Variants in MYT1 observed in about 807,000 individuals in gnomAD.
The protein encoded by MYT1 is myelin transcription factor 1.
MYT1 carries 23 observed loss-of-function variants against 123.0 expected under a neutral mutation model. That is an observed-to-expected ratio of 0.19 (90% CI 0.13 to 0.26). MYT1 has a LOEUF of 0.26. Ranked by LOEUF, MYT1 falls within the 10% of genes least tolerant of loss-of-function variation. MYT1 has a pLI of 1.00. For synonymous variants in MYT1, 518 were observed against 575.3 expected (o/e 0.90, Z 1.43); for missense variants, 1,125 against 1,472.5 (o/e 0.76, Z 3.86).
rs376298151 is a variant in MYT1, at chr20:64,232,408, C to A, written c.2897+23C>A. ...GAGGTAACTGTGCCTGCAGGTCCTG[C>A]CCCTCTGTGCAGTCAGTAGGGACCC... On this transcript the variant is annotated intron_variant, in intron 19 of 22. Coordinates refer to ENST00000328439, the MANE Select transcript of MYT1 (RefSeq NM_004535.3). The surrounding 1 kb of genome is among the most constrained non-coding windows in gnomAD (Gnocchi z 6.9). The A allele has an allele frequency of 1.2e-4, 196 of 1,609,312 alleles. 3 individuals carry two copies. The highest frequency in any genetic ancestry group is 1.1e-4 in the Non-Finnish European group (134 of 1,176,942).
chr20:64,227,573 T>G, intron 17 of MYT1, 96 bp downstream of exon 17: 1 of 1,112,028 alleles, frequency 9.0e-7, no homozygotes, highest in Non-Finnish European at 1.3e-6. Flanking sequence ...TGCTGACAGC[T>G]AGAGTCCATT....
Position 64,192,318 on chromosome 20 carries a change from G to A in MYT1, c.-1+2158G>A, listed in dbSNP as rs1982992385. The stretch of plus-strand genomic sequence containing the variant: ...CCAGAGAAGGCGAGAGGATGAGAAA[G>A]GGTCGACTGCCTAGAGGACAGTGGG... On this transcript the variant is annotated intron_variant, in intron 2 of 22. Coordinates refer to ENST00000328439, the MANE Select transcript of MYT1 (RefSeq NM_004535.3). The surrounding 1 kb of genome is among the most constrained non-coding windows in gnomAD (Gnocchi z 5.3). 6.6e-6 allele frequency among the ~76,000 whole-genome samples: 1 copy of A among 152,220 alleles called. No homozygotes were observed. The highest frequency in any genetic ancestry group is 1.5e-5 in the Non-Finnish European group (1 of 68,044).
At chr20:64,224,138 T>C (rs369906982) in intron 16 of MYT1, among the ~76,000 whole-genome samples, 47 of 152,124 alleles carry the variant, frequency 3.1e-4, no homozygotes, top group African/African-American at 1.1e-3. Flanking sequence ...CCCTGAGCCA[T>C]GGGGAGCTCC....
In MYT1 at chr20:64,202,060, G is replaced by A. The variant is rs1053597926; in HGVS notation, c.86+2138G>A. Among the ~76,000 whole-genome samples, 3 of 151,496 alleles carry A rather than the reference G, an allele frequency of 2.0e-5. No individual in the cohort carries two copies. The Middle Eastern group carries it at 0.01, about 526-fold the overall frequency. Reference sequence around the variant, plus strand: ...CGCGTGTCGGGAACCTCTGCGTGTCGGGAACCCCTGTGTGCAGGACTTTCT... The same window carrying A: ...CGCGTGTCGGGAACCTCTGCGTGTCAGGAACCCCTGTGTGCAGGACTTTCT... On this transcript the variant is annotated intron_variant, in intron 4 of 22. Transcript: ENST00000328439. The surrounding 1 kb of genome is among the most constrained non-coding windows in gnomAD (Gnocchi z 5.0).
Position 64,204,978 on chromosome 20 carries a change from G to A in MYT1, c.87-57G>A, listed in dbSNP as rs146257136. On this transcript the variant is annotated intron_variant, in intron 4 of 22. Transcript: ENST00000328439. Reference sequence around the variant, plus strand: ...CTCCCCAGGGTGAAGGTCTGCGACAGGCTCTGAGATCTGAGCCCATCGCCT... The same window carrying A: ...CTCCCCAGGGTGAAGGTCTGCGACAAGCTCTGAGATCTGAGCCCATCGCCT... 724 of 1,572,352 alleles carry A rather than the reference G, an allele frequency of 4.6e-4. 15 individuals carry two copies. In the East Asian group the frequency reaches 0.016, roughly 35 times the overall value.
chr20:64,213,695 T>C lies in MYT1; in HGVS notation c.1631+48T>C. The C allele has an allele frequency of 1.3e-6, 2 of 1,492,256 alleles. No homozygotes were observed. Among genetic ancestry groups the C allele is most frequent in the Non-Finnish European group, 1.9e-6 (2 of 1,072,714 alleles). The allele number at this position is 1,492,256 out of a possible 1,614,324, so 92.4% of individuals were successfully genotyped here. On this transcript the variant is annotated intron_variant, in intron 10 of 22. Coordinates refer to ENST00000328439, the MANE Select transcript of MYT1 (RefSeq NM_004535.3). This position sits in a 1 kb window ranked among gnomAD's most constrained non-coding sequence, Gnocchi z 5.6. ...CTGAAGAGGCTGCCTCCCAAATGCC[T>C]GCAGAGGGCTTCTCAGTCTCCCGCA... is the stretch of plus-strand genomic sequence containing the variant.
rs190726168 is a variant in MYT1 at position 64,184,191 on chromosome 20, G to A, written c.-98-5872G>A. Among the ~76,000 whole-genome samples, 388 of 152,198 alleles carry A rather than the reference G, an allele frequency of 2.5e-3. 4 individuals are homozygous for A. Among genetic ancestry groups the A allele is most frequent in the Non-Finnish European group, 3.7e-3 (255 of 68,022 alleles). On this transcript the variant is annotated intron_variant, in intron 1 of 22. Coordinates refer to ENST00000328439, the MANE Select transcript of MYT1 (RefSeq NM_004535.3). ...AATATATTACTTTTTTTCTTTAATG[G>A]CTTGTAGTGTTGTTGTCATAGCTAA...
In MYT1 at chr20:64,207,957, T is replaced by C. The variant is rs576862931; in HGVS notation, c.761T>C (p.Ile254Thr). Residue 254 changes from isoleucine (I) to threonine (T), a missense_variant, in exon 7 of 23, where the codon ATC becomes ACC. Ile to Thr is a moderately conservative substitution (Grantham distance 89). Coordinates refer to ENST00000328439, the MANE Select transcript of MYT1 (RefSeq NM_004535.3). ...GAGGAGTCCAGCAAGCAGAAAGGCA[T>C]CCTGAGTCACGAAGAGGAGGACGAG... ...ASEESSKQKG[I>T]LSHEEEDEEE... 1 of 1,601,930 alleles carries C rather than the reference T, an allele frequency of 6.2e-7. No individual in the cohort carries two copies. The highest frequency in any genetic ancestry group is 1.1e-5 in the South Asian group (1 of 90,386).
intron 2 of MYT1, among the ~76,000 whole-genome samples, chr20:64,197,342 T>C (rs1023974371): frequency 5.3e-5 from 8 of 152,276 alleles, no homozygotes; most frequent in African/African-American, 1.7e-4. Context: ...CAGGTGGTTC[T>C]GTAGACATTT....
rs1416568513 is a variant in MYT1, at chr20:64,213,400, T to G, written c.1518-134T>G. On this transcript the variant is annotated intron_variant, in intron 9 of 22. Coordinates refer to ENST00000328439, the MANE Select transcript of MYT1 (RefSeq NM_004535.3). This position sits in a 1 kb window ranked among gnomAD's most constrained non-coding sequence, Gnocchi z 5.6. The stretch of plus-strand genomic sequence containing the variant: ...AGAATGACAGGGTTATTCCCGGCTC[T>G]GGGCTTCTCTGGAGTTCACCTGGAG... 1 of 644,110 alleles carries G rather than the reference T, an allele frequency of 1.6e-6. No individual in the cohort carries two copies. The highest frequency in any genetic ancestry group is 2.7e-5 in the East Asian group (1 of 36,824). The allele number at this position is 644,110 out of a possible 1,614,324, so 39.9% of individuals were successfully genotyped here.
Position 64,213,881 on chromosome 20 carries a change from T to C in MYT1, c.1631+234T>C, listed in dbSNP as rs1013387309. Among the ~76,000 whole-genome samples, 5 of 152,234 alleles carry C rather than the reference T, an allele frequency of 3.3e-5. No homozygotes were observed. Among genetic ancestry groups the C allele is most frequent in the African/African-American group, 1.2e-4 (5 of 41,474 alleles). On this transcript the variant is annotated intron_variant, in intron 10 of 22. Transcript: ENST00000328439. This position sits in a 1 kb window ranked among gnomAD's most constrained non-coding sequence, Gnocchi z 5.6. The stretch of plus-strand genomic sequence containing the variant: ...GTCTCATGTCTACCACATTCGCCAG[T>C]GCCTCAGCCAAAGCGCAAACTCCTG...
chr20:64,227,165 A>G lies in MYT1; in HGVS notation c.2529-250A>G, dbSNP rs139646698. On this transcript the variant is annotated intron_variant, in intron 16 of 22. Transcript: ENST00000328439. The stretch of plus-strand genomic sequence containing the variant: ...AGCAGCAGTTGGCTGCTCTCCTCTC[A>G]GACTTCCTGGTCTCCCTCGGGGAGA... Among the ~76,000 whole-genome samples the G allele has an allele frequency of 2.3e-3, 357 of 152,324 alleles. 5 individuals carry two copies. Among genetic ancestry groups the G allele is most frequent in the African/African-American group, 7.9e-3 (330 of 41,580 alleles).
chr20:64,188,975 A>G (rs1381984387), intron 1 of MYT1, among the ~76,000 whole-genome samples: 1 of 152,168 alleles, frequency 6.6e-6, no homozygotes, highest in East Asian at 1.9e-4. Flanking sequence ...CTCCTTGACT[A>G]CCAAATCTGC....
Position 64,240,636 on chromosome 20 carries a change from G to A in MYT1, c.*188G>A, listed in dbSNP as rs547386349. 18 of 696,512 alleles carry A rather than the reference G, an allele frequency of 2.6e-5. No individual in the cohort carries two copies. The highest frequency in any genetic ancestry group is 8.5e-5 in the East Asian group (3 of 35,224). The allele number at this position is 696,512 out of a possible 1,614,324, so 43.1% of individuals were successfully genotyped here. A position where few individuals can be genotyped will look rare whatever the true frequency, so the allele number is the denominator to read the frequency against. ...CGAGGCTCCCTCCAGGCTTGGGGCC[G>A]TGGTGGCCCTATCTGTGTGCATAGG... On this transcript the variant is annotated 3_prime_UTR_variant, in exon 23 of 23. Transcript: ENST00000328439.
chr20:64,240,223 G>T (rs1984675428), intron 22 of MYT1, 97 bp from the exon 23 acceptor site: 8 of 1,530,962 alleles, frequency 5.2e-6, no homozygotes, highest in Non-Finnish European at 6.2e-6. Flanking sequence ...CTTGTCTCAG[G>T]TCACGTGGGG....
intron 13 of MYT1, among the ~76,000 whole-genome samples, chr20:64,221,250 T>C (rs1983991547): frequency 6.6e-6 from 1 of 152,130 alleles, no homozygotes; most frequent in South Asian, 2.1e-4. Context: ...TACAGCATCC[T>C]GCAGAATGTT....
chr20:64,229,209 T>C (rs1042041957), intron 18 of MYT1, among the ~76,000 whole-genome samples: 1 of 152,218 alleles, frequency 6.6e-6, no homozygotes, highest in Non-Finnish European at 1.5e-5. Context: ...GTTAGTACTA[T>C]GAAGGTCGCA....
At chr20:64,187,216 G>A (rs568300756) in intron 1 of MYT1, among the ~76,000 whole-genome samples, 3 of 142,960 alleles carry the variant, frequency 2.1e-5, no homozygotes, top group East Asian at 2.1e-4. Flanking sequence ...CCTGTAGCCC[G>A]TGGCCCCGGC....
chr20:64,225,229 C>G (rs1221092411), intron 16 of MYT1, among the ~76,000 whole-genome samples: 1 of 152,240 alleles, frequency 6.6e-6, no homozygotes, highest in Non-Finnish European at 1.5e-5. Flanking sequence ...CCTCCTTGCT[C>G]TCTGCCACCT....
Sources: allele counts gnomAD v4.1 joint callset (sites outside exome capture counted in the v4.1 genomes callset), GRCh38; gene constraint gnomAD v4.1.1; non-coding constraint Gnocchi (gnomAD v3.1); transcripts MANE v1.5; gene names NCBI Gene and HGNC (gene_info 2026-07-23, HGNC 2026-07-21).